FRMPD4: variants seen among roughly 807,000 people sequenced by gnomAD.
The protein encoded by FRMPD4 is FERM and PDZ domain-containing protein 4.
Under a neutral mutation model 94.1 loss-of-function variants are expected in FRMPD4, and 22 were observed. The ratio of observed to expected loss-of-function variants is 0.23; its 90% CI spans 0.17 to 0.33. The LOEUF (loss-of-function observed/expected upper bound fraction) is 0.33. Ranked by LOEUF, FRMPD4 falls within the 10% of genes least tolerant of loss-of-function variation. FRMPD4 has a pLI of 1.00. For synonymous variants in FRMPD4, 631 were observed against 548.6 expected, an observed-to-expected ratio of 1.15 and a Z score of -2.10; for missense variants, 1,111 against 1,339.9, an observed-to-expected ratio of 0.83 and a Z score of 2.67.
At chrX:12,706,381 G>A (rs1276345464) in intron 11 of FRMPD4, among the ~76,000 whole-genome samples, 2 of 111,752 alleles carry the variant, frequency 1.8e-5, no homozygotes, top group East Asian at 2.8e-4. Context: ...TTGCAGGTGC[G>A]TATTCAAAAT....
At position 12,720,669 on chromosome X, in the gene FRMPD4, A is replaced by G. The variant is rs565271173; in HGVS notation, c.4100A>G (p.Asn1367Ser). Residue 1367 changes from asparagine to serine, a missense_variant, in exon 17 of 17, where the codon AAT (asparagine) becomes AGT (serine). Coordinates refer to ENST00000675598, the MANE Select transcript of FRMPD4 (RefSeq NM_001368397.1). ...GTGCCAATTCCAAATCAAGACCCTA[A>G]TGATTTCTCCCAAGCAAATCAGGCA... ...SKVPIPNQDP[N>S]DFSQANQAYG... The G allele has an allele frequency of 8.9e-7, 1 of 1,124,238 alleles. No individual in the cohort carries two copies. The allele number at this position is 1,124,238 out of a possible 1,213,427, so 92.6% of individuals were successfully genotyped here.
rs1555969426 is a variant in FRMPD4, at chrX:12,463,681, G to GTGTGTTTT, written c.42-34998_42-34997insGTGTTTTT. On this transcript the variant is annotated intron_variant, in intron 1 of 16. Transcript: ENST00000675598. ...GGGTGCCTGTGCCTCCTATGTGTGT[G>GTGTGTTTT]TTTTTTTTTTGTTTTTGTTTTTTTT... Among the ~76,000 whole-genome samples the GTGTGTTTT allele has an allele frequency of 7.8e-5, 4 of 51,046 alleles. 1 individual carries two copies. The highest frequency in any genetic ancestry group is 3.5e-4 in the African/African-American group (4 of 11,593). The allele number at this position is 51,046 out of a possible 115,157, so 44.3% of individuals were successfully genotyped here. A position where few individuals can be genotyped will look rare whatever the true frequency, so the allele number is the denominator to read the frequency against.
intron 1 of FRMPD4, among the ~76,000 whole-genome samples, chrX:12,244,201 G>T (rs2053922617): frequency 9.1e-6 from 1 of 110,455 alleles, no homozygotes; most frequent in African/African-American, 3.3e-5. Flanking sequence ...CATGAGATTG[G>T]GTGGGCTGGC....
chrX:12,255,938 T>C (rs1271162937), intron 1 of FRMPD4, among the ~76,000 whole-genome samples: 1 of 112,194 alleles, frequency 8.9e-6, no homozygotes, highest in Non-Finnish European at 1.9e-5. Context: ...TCATTCTCTG[T>C]GTTTTGGAAC....
At chrX:12,151,612 G>A (rs1213773599) in intron 1 of FRMPD4, among the ~76,000 whole-genome samples, 2 of 111,781 alleles carry the variant, frequency 1.8e-5, no homozygotes, top group African/African-American at 3.2e-5. Context: ...ATAAATGTTT[G>A]AAATTCTATC....
At chrX:11,956,221 C>G (rs1162432974) in intron 3 of FRMPD4, among the ~76,000 whole-genome samples, 2 of 111,873 alleles carry the variant, frequency 1.8e-5, no homozygotes, top group Admixed American at 1.9e-4. Flanking sequence ...CATCCTCAAG[C>G]CGACCCAGCT....
At chrX:12,619,241 G>T (rs1027921647) in intron 4 of FRMPD4, among the ~76,000 whole-genome samples, 10 of 112,117 alleles carry the variant, frequency 8.9e-5, no homozygotes, top group Admixed American at 9.5e-5. Flanking sequence ...ACATCTGTCA[G>T]ACATGTCACC....
chrX:12,668,597 C>CTTT lies in FRMPD4; in HGVS notation c.423-6246_423-6244dup, dbSNP rs61675840. ...GAGGTTAAGTCATGAATGGAAACTA[C>CTTT]TTTTTTTTTTTTTTTTTTTTTTGTG... is the stretch of plus-strand genomic sequence containing the variant. On this transcript the variant is annotated intron_variant, in intron 4 of 16. Transcript: ENST00000675598. 5.3e-3 allele frequency among the ~76,000 whole-genome samples: 380 copies of CTTT among 71,493 alleles called. 4 individuals are homozygous for CTTT. Among genetic ancestry groups the CTTT allele is most frequent in the African/African-American group, 8.5e-3 (149 of 17,462 alleles). The allele number at this position is 71,493 out of a possible 115,157, so 62.1% of individuals were successfully genotyped here. A position where few individuals can be genotyped will look rare whatever the true frequency, so the allele number is the denominator to read the frequency against.
intron 2 of FRMPD4, among the ~76,000 whole-genome samples, chrX:12,561,948 G>A (rs893512930): frequency 3.6e-5 from 4 of 112,520 alleles, no homozygotes; most frequent in Non-Finnish European, 7.5e-5. Flanking sequence ...AATTGTAGCA[G>A]GTGTGTGGAA....
intron 1 of FRMPD4, among the ~76,000 whole-genome samples, chrX:11,841,941 G>A (rs1245858559): frequency 5.4e-5 from 6 of 111,337 alleles, no homozygotes; most frequent in Middle Eastern, 9.2e-3. Context: ...GTAAGGAGGG[G>A]ATCCAGTTTT....
At chrX:11,951,936 T>G (rs867091014) in intron 3 of FRMPD4, among the ~76,000 whole-genome samples, 2 of 111,917 alleles carry the variant, frequency 1.8e-5, no homozygotes, top group Non-Finnish European at 1.9e-5. Flanking sequence ...CTCAGGAGGC[T>G]GAGGTGGGAG....
intron 3 of FRMPD4, among the ~76,000 whole-genome samples, chrX:11,905,643 C>A (rs1232445530): frequency 1.8e-5 from 2 of 111,101 alleles, no homozygotes; most frequent in African/African-American, 6.6e-5. Flanking sequence ...TATTTGAATG[C>A]CTACTTTCAT....
In FRMPD4 at chrX:12,423,326, T is replaced by C. The variant is rs181820521; in HGVS notation, c.42-75354T>C. On this transcript the variant is annotated intron_variant, in intron 1 of 16. Transcript: ENST00000675598. ...GTACATGATTTCATTCTGAATAAGG[T>C]CATGGGGTCCAGTTGGCAGTAATCA... Among the ~76,000 whole-genome samples the C allele has an allele frequency of 4.2e-4, 47 of 111,564 alleles. No individual in the cohort carries two copies. The East Asian group carries it at 0.012, about 29-fold the overall frequency.
chrX:12,346,774 A>G (rs2055718983), intron 1 of FRMPD4, among the ~76,000 whole-genome samples: 1 of 111,958 alleles, frequency 8.9e-6, no homozygotes, highest in African/African-American at 3.2e-5. Flanking sequence ...TGCTTTCATT[A>G]TTTCCCAAAA....
At chrX:12,002,053 A>G (rs1448725809) in intron 3 of FRMPD4, among the ~76,000 whole-genome samples, 1 of 111,935 alleles carries the variant, frequency 8.9e-6, no homozygotes, top group Non-Finnish European at 1.9e-5. Flanking sequence ...CCTCAAACAC[A>G]GGTTTAGGCG....
intron 8 of FRMPD4, among the ~76,000 whole-genome samples, chrX:12,693,199 A>G (rs769181328): frequency 2.0e-4 from 23 of 112,333 alleles, no homozygotes; most frequent in African/African-American, 7.4e-4. Flanking sequence ...TTGTATTGCC[A>G]GATCTGTCCC....
intron 1 of FRMPD4, among the ~76,000 whole-genome samples, chrX:12,265,226 T>G (rs1210199376): frequency 8.9e-6 from 1 of 112,165 alleles, no homozygotes; most frequent in African/African-American, 3.2e-5. Flanking sequence ...ATTTTAAAAA[T>G]CTCTCGAGGT....
At chrX:12,617,869 T>A (rs770655982) in intron 4 of FRMPD4, among the ~76,000 whole-genome samples, 1 of 112,065 alleles carries the variant, frequency 8.9e-6, no homozygotes, top group African/African-American at 3.2e-5. Context: ...TTATTTTTCT[T>A]ATCATTTAGT....
intron 1 of FRMPD4, among the ~76,000 whole-genome samples, chrX:12,447,485 A>C (rs1161647495): frequency 1.8e-5 from 2 of 112,075 alleles, no homozygotes; most frequent in Non-Finnish European, 3.8e-5. Flanking sequence ...TGAAGAGAAC[A>C]CCAGACAACT....
Sources: allele counts gnomAD v4.1 joint callset (sites outside exome capture counted in the v4.1 genomes callset), GRCh38; gene constraint gnomAD v4.1.1; transcripts MANE v1.5; gene names NCBI Gene and HGNC (gene_info 2026-07-23, HGNC 2026-07-21).